The following OTP variants were observed in gnomAD, a reference collection of about 807,000 sequenced individuals.
OTP encodes the protein homeobox protein orthopedia.
Under a neutral mutation model 22.3 loss-of-function variants are expected in OTP, and 5 were observed. The observed-to-expected ratio is 0.22, with a 90% CI of 0.12 to 0.47. The LOEUF (loss-of-function observed/expected upper bound fraction) is 0.47, where lower values mean the gene tolerates loss of function less well. OTP is among the 20% of genes least tolerant of loss of function. OTP has a pLI of 0.99. For missense variants in OTP, 428 were observed against 456.2 expected, an observed-to-expected ratio of 0.94 and a Z score of 0.56; for synonymous variants, 229 against 210.6, an observed-to-expected ratio of 1.09 and a Z score of -0.76.
Position 77,630,767 on chromosome 5 carries a change from A to G in OTP, c.475T>C (p.Trp159Arg), listed in dbSNP as rs1744917413. Residue 159 changes from tryptophan to arginine, a missense_variant, in exon 3 of 3, where the codon TGG becomes CGG. Physicochemically the swap from Trp to Arg is moderately radical, Grantham distance 101 (BLOSUM62 -3). Coordinates refer to ENST00000306422, the MANE Select transcript of OTP (RefSeq NM_032109.3). ...TTGGTCGTCTTTTTGCGCTTCTTCC[A>G]CTTGGCGCGTCGGTTCTGGAACCAG... ...QVWFQNRRAKWKKRKKTTNVF... is the reference protein window; with the variant it reads ...QVWFQNRRAKRKKRKKTTNVF... The G allele has an allele frequency of 6.4e-7, 1 of 1,565,036 alleles. No individual in the cohort carries two copies. The highest frequency in any genetic ancestry group is 8.6e-7 in the Non-Finnish European group (1 of 1,163,806).
chr5:77,630,223 G>A lies in OTP; in HGVS notation c.*41C>T. 1 of 1,373,174 alleles carries A rather than the reference G, an allele frequency of 7.3e-7. No individual in the cohort carries two copies. Among genetic ancestry groups the A allele is most frequent in the South Asian group, 1.6e-5 (1 of 62,150 alleles). 85.1% of individuals were successfully genotyped at this position (1,373,174 alleles called of 1,614,324 possible). ...CCGGAAGGGCCTCGGGGCGGCCCCC[G>A]GGGCGGTGCTGGGGGCGGAGCGGGC... On this transcript the variant is annotated 3_prime_UTR_variant, in exon 3 of 3. Coordinates refer to ENST00000306422, the MANE Select transcript of OTP (RefSeq NM_032109.3).
At chr5:77,632,968 G>C (rs982787535) in intron 2 of OTP, among the ~76,000 whole-genome samples, 1 of 152,166 alleles carries the variant, frequency 6.6e-6, no homozygotes, top group Non-Finnish European at 1.5e-5. Flanking sequence ...GGCTGGACTC[G>C]GGGGAGGTAG....
chr5:77,638,364 C>G (rs1745042719), intron 1 of OTP, 149 bp downstream of exon 1: 8 of 731,574 alleles, frequency 1.1e-5, no homozygotes, highest in East Asian at 5.8e-5. Flanking sequence ...TTTTTAAAGG[C>G]GATGTTAAAT....
Position 77,630,462 on chromosome 5 carries a change from G to A in OTP, c.780C>T (p.Asn260=), listed in dbSNP as rs749561050. The A allele has an allele frequency of 1.3e-6, 2 of 1,586,924 alleles. No individual in the cohort carries two copies. The highest frequency in any genetic ancestry group is 1.7e-6 in the Non-Finnish European group (2 of 1,168,480). The part of the protein sequence containing the change: ...MGLSNSLAGS[N]GAGLQSHLYQ... ...AGAGGTGCGACTGCAGCCCCGCGCC[G>A]TTGGAACCCGCCAGGCTGTTGGACA... is the stretch of plus-strand genomic sequence containing the variant. Residue 260 remains asparagine (N), a synonymous_variant, in exon 3 of 3, where the codon AAC becomes AAT. Transcript: ENST00000306422.
intron 2 of OTP, among the ~76,000 whole-genome samples, chr5:77,635,492 G>A (rs1344787845): frequency 6.6e-6 from 1 of 152,170 alleles, no homozygotes. Flanking sequence ...TAATCATTAT[G>A]TTAATCAACA....
At position 77,630,806 on chromosome 5, in the gene OTP, G is replaced by A. The variant is rs1329871303; in HGVS notation, c.448-12C>T. 6.6e-7 allele frequency: 1 copy of A among 1,520,454 alleles called. No individual in the cohort carries two copies. Among genetic ancestry groups the A allele is most frequent in the East Asian group, 2.4e-5 (1 of 41,732 alleles). The allele number at this position is 1,520,454 out of a possible 1,614,324, so 94.2% of individuals were successfully genotyped here. ...TTCTGGAACCAGACCTGGAGCGGGCGGGGCGGGAGACAGACAGGGAGCTAT... is the reference window on the plus strand; with the variant it reads ...TTCTGGAACCAGACCTGGAGCGGGCAGGGCGGGAGACAGACAGGGAGCTAT... On this transcript the variant is annotated splice_polypyrimidine_tract_variant and intron_variant, in intron 2 of 2. Coordinates refer to ENST00000306422, the MANE Select transcript of OTP (RefSeq NM_032109.3).
intron 2 of OTP, chr5:77,636,026 T>C (rs1009311885): frequency 6.6e-6 from 1 of 151,654 alleles, no homozygotes; most frequent in African/African-American, 2.4e-5. Flanking sequence ...GCTTGGAGAG[T>C]GGTTGGAGGA....
In OTP at chr5:77,630,570, C is replaced by G; in HGVS notation, c.672G>C (p.Pro224=). The G allele has an allele frequency of 6.4e-7, 1 of 1,564,830 alleles. No homozygotes were observed. Among genetic ancestry groups the G allele is most frequent in the African/African-American group, 1.4e-5 (1 of 73,980 alleles). The change falls in exon 3 of 3, where the codon CCG becomes CCC. Residue 224 remains proline (P), a synonymous_variant. Coordinates refer to ENST00000306422, the MANE Select transcript of OTP (RefSeq NM_032109.3). ...CCATGGCCTGCTGCCTGCCCAGCGCCGGCGGCAGAGGCAGCTGTGACACGC... is the reference window on the plus strand; with the variant it reads ...CCATGGCCTGCTGCCTGCCCAGCGCGGGCGGCAGAGGCAGCTGTGACACGC... The part of the protein sequence containing the change: ...MPGVSQLPLP[P]ALGRQQAMAQ...
chr5:77,636,939 C>T lies in OTP; in HGVS notation c.329G>A (p.Arg110His). Residue 110 changes from arginine to histidine, a missense_variant, in exon 2 of 3, where the codon CGC becomes CAC. Transcript: ENST00000306422. ...GQQKQKRHRT[R>H]FTPAQLNELE... Reference sequence around the variant, plus strand: ...CTCGTTGAGCTGTGCGGGGGTGAAGCGCGTCCGGTGGCGCTTCTGCTTCTG... The same window carrying T: ...CTCGTTGAGCTGTGCGGGGGTGAAGTGCGTCCGGTGGCGCTTCTGCTTCTG... 6.2e-7 allele frequency: 1 copy of T among 1,614,172 alleles called. No homozygotes were observed. Among genetic ancestry groups the T allele is most frequent in the Non-Finnish European group, 8.5e-7 (1 of 1,180,018 alleles).
chr5:77,636,927 G>A lies in OTP; in HGVS notation c.341C>T (p.Ala114Val), dbSNP rs1293590102. The A allele has an allele frequency of 1.9e-6, 3 of 1,614,112 alleles. No homozygotes were observed. In the African/African-American group the frequency reaches 4.0e-5, roughly 22 times the overall value. The part of the protein sequence containing the change: ...QKRHRTRFTP[A>V]QLNELERSFA... The stretch of plus-strand genomic sequence containing the variant: ...GCTCCTCTCCAACTCGTTGAGCTGT[G>A]CGGGGGTGAAGCGCGTCCGGTGGCG... The change falls in exon 2 of 3, where the codon GCA becomes GTA. Residue 114 changes from alanine to valine, a missense_variant. Physicochemically the swap from Ala to Val is moderately conservative, Grantham distance 64 (BLOSUM62 0). This residue lies in a region of OTP where 176 missense variants were observed against 162.9 expected (regional missense o/e 1.08). Transcript: ENST00000306422.
chr5:77,633,176 A>C (rs1744955946), intron 2 of OTP, among the ~76,000 whole-genome samples: 1 of 152,224 alleles, frequency 6.6e-6, no homozygotes. Flanking sequence ...TGCCCAGTAG[A>C]ATTTCAATAG....
Position 77,630,413 on chromosome 5 carries a change from C to T in OTP, c.829G>A (p.Val277Met). 6.3e-7 allele frequency: 1 copy of T among 1,582,108 alleles called. No homozygotes were observed. The highest frequency in any genetic ancestry group is 8.6e-7 in the Non-Finnish European group (1 of 1,166,598). ...CTGGGGCCGGGGAGGGAGGCGGGCA[C>T]CATGCCGGGGAAGGCGGGCTGGTAG... is the stretch of plus-strand genomic sequence containing the variant. ...HLYQPAFPGM[V>M]PASLPGPSNV... The change falls in exon 3 of 3, where the codon GTG becomes ATG. Residue 277 changes from valine (V) to methionine (M), a missense_variant. Physicochemically the swap from Val to Met is conservative, Grantham distance 21. Coordinates refer to ENST00000306422, the MANE Select transcript of OTP (RefSeq NM_032109.3).
In OTP at chr5:77,630,145, AC is replaced by A; in HGVS notation, c.*118del. The A allele has an allele frequency of 2.0e-6, 1 of 504,596 alleles. No homozygotes were observed. Among genetic ancestry groups the A allele is most frequent in the Non-Finnish European group, 2.9e-6 (1 of 345,478 alleles). The allele number at this position is 504,596 out of a possible 1,614,324, so 31.3% of individuals were successfully genotyped here. A position where few individuals can be genotyped will look rare whatever the true frequency, so the allele number is the denominator to read the frequency against. On this transcript the variant is annotated 3_prime_UTR_variant, in exon 3 of 3. Coordinates refer to ENST00000306422, the MANE Select transcript of OTP (RefSeq NM_032109.3). ...AGGAGAGAGGCGAGGACGAAACGAG[AC>A]GGGGCGAAGGCCGGGGCGGGACGGG...
intron 1 of OTP, among the ~76,000 whole-genome samples, chr5:77,637,865 C>T (rs1297744287): frequency 6.6e-6 from 1 of 152,164 alleles, no homozygotes; most frequent in East Asian, 1.9e-4. Flanking sequence ...TAAGGAAACT[C>T]GAGTGAACTC....
chr5:77,633,859 C>G (rs564202904), intron 2 of OTP, among the ~76,000 whole-genome samples: 1 of 152,250 alleles, frequency 6.6e-6, no homozygotes, highest in African/African-American at 2.4e-5. Flanking sequence ...TGGAGGAAAT[C>G]TGGGGAGCTG....
intron 2 of OTP, among the ~76,000 whole-genome samples, chr5:77,634,365 A>T (rs2112370276): frequency 6.6e-6 from 1 of 152,356 alleles, no homozygotes; most frequent in African/African-American, 2.4e-5. Context: ...GCTATATCAG[A>T]CATGGAATTG....
chr5:77,632,879 C>T (rs1744952075), intron 2 of OTP, among the ~76,000 whole-genome samples: 1 of 152,038 alleles, frequency 6.6e-6, no homozygotes, highest in Admixed American at 6.5e-5. Context: ...CGGTCTTAGG[C>T]GGAGAGCATC....
At chr5:77,632,599 T>C (rs1744948672) in intron 2 of OTP, among the ~76,000 whole-genome samples, 1 of 152,178 alleles carries the variant, frequency 6.6e-6, no homozygotes, top group South Asian at 2.1e-4. Flanking sequence ...CACTCTACGC[T>C]TACCAGTGTG....
At chr5:77,638,112 G>A (rs1447175918) in intron 1 of OTP, among the ~76,000 whole-genome samples, 1 of 151,508 alleles carries the variant, frequency 6.6e-6, no homozygotes, top group Admixed American at 6.6e-5. Flanking sequence ...CTTAGAAAAG[G>A]AGGAGAGAAG....
Sources: gnomAD v4.1 joint callset for allele counts (sites outside exome capture counted in the v4.1 genomes callset) on GRCh38, gnomAD v4.1.1 for gene constraint, gnomAD v4.1.1 regional missense constraint, MANE v1.5 for transcripts, NCBI Gene and HGNC (gene_info 2026-07-23, HGNC 2026-07-21) for gene names.